Variants in CDH6 observed in about 807,000 individuals in gnomAD.
The protein encoded by CDH6 is cadherin-6.
CDH6 carries 31 observed loss-of-function variants against 78.0 expected under a neutral mutation model. The ratio of observed to expected loss-of-function variants is 0.40; its 90% CI spans 0.30 to 0.54. The LOEUF (loss-of-function observed/expected upper bound fraction) is 0.54. Among genes scored for constraint, CDH6 ranks in the 20% least tolerant of loss-of-function variants. The pLI, the probability that CDH6 is intolerant of heterozygous loss-of-function variation, is 0.56. For missense variants in CDH6, 724 were observed against 975.9 expected (o/e 0.74, Z 3.44); for synonymous variants, 376 against 368.8 (o/e 1.02, Z -0.23).
At chr5:31,292,476 T>C (rs1049107150) in intron 2 of CDH6, among the ~76,000 whole-genome samples, 1 of 152,180 alleles carries the variant, frequency 6.6e-6, no homozygotes, top group Non-Finnish European at 1.5e-5. Flanking sequence ...TATTTTCAAA[T>C]GTGTAATGCT....
chr5:31,197,530 A>G (rs1363512176), intron 1 of CDH6, among the ~76,000 whole-genome samples: 3 of 152,216 alleles, frequency 2.0e-5, no homozygotes, highest in Non-Finnish European at 4.4e-5. Context: ...CTTCACAAAA[A>G]AAGTGAAAAT....
At chr5:31,263,151 G>A (rs1742252897) in intron 1 of CDH6, among the ~76,000 whole-genome samples, 1 of 152,078 alleles carries the variant, frequency 6.6e-6, no homozygotes, top group Non-Finnish European at 1.5e-5. Context: ...CTAAGTGCAA[G>A]GTCGAGGTGC....
intron 1 of CDH6, among the ~76,000 whole-genome samples, chr5:31,244,309 G>A (rs1037450895): frequency 6.6e-6 from 1 of 152,156 alleles, no homozygotes; most frequent in African/African-American, 2.4e-5. Flanking sequence ...GAACATAAAA[G>A]GTGGTCATAG....
rs529722973 is a variant in CDH6 at position 31,262,839 on chromosome 5, T to G, written c.-128-4507T>G. 2.6e-5 allele frequency among the ~76,000 whole-genome samples: 4 copies of G among 152,300 alleles called. No individual in the cohort carries two copies. The East Asian group carries it at 5.8e-4, about 22-fold the overall frequency. On this transcript the variant is annotated intron_variant, in intron 1 of 11. Coordinates refer to ENST00000265071, the MANE Select transcript of CDH6 (RefSeq NM_004932.4). ...CATCTGATTGCCACTTACCACATGG[T>G]TCCCCTCTACTTTGCCTGCTCAGAA...
chr5:31,281,340 GTGTGTGTGGGGGGTGTGTT>G (rs1742858029), intron 2 of CDH6, among the ~76,000 whole-genome samples: 2 of 150,860 alleles, frequency 1.3e-5, no homozygotes, highest in Admixed American at 1.3e-4. Flanking sequence ...GGCTGGGGGA[GTGTGTGTGGGGGGTGTGTT>G]TGTGTGTGTG....
At chr5:31,231,239 G>A (rs151138073) in intron 1 of CDH6, among the ~76,000 whole-genome samples, 215 of 152,202 alleles carry the variant, frequency 1.4e-3, no homozygotes, top group African/African-American at 4.0e-3. Context: ...AAATCATTGC[G>A]TATCTCCATA....
chr5:31,249,673 C>A (rs1379334692), intron 1 of CDH6: 1 of 152,212 alleles, frequency 6.6e-6, no homozygotes, highest in Non-Finnish European at 1.5e-5. Context: ...TAAAATCCAA[C>A]CTCCACTGGC....
Position 31,310,813 on chromosome 5 carries a change from G to A in CDH6, c.1254-2505G>A, listed in dbSNP as rs149892261. On this transcript the variant is annotated intron_variant, in intron 7 of 11. Coordinates refer to ENST00000265071, the MANE Select transcript of CDH6 (RefSeq NM_004932.4). Reference sequence around the variant, plus strand: ...GTGGATCCACCAATAGCCACAGCTCGGGCTGGAGTGGCTGGAACACAGGAT... The same window carrying A: ...GTGGATCCACCAATAGCCACAGCTCAGGCTGGAGTGGCTGGAACACAGGAT... Among the ~76,000 whole-genome samples the A allele has an allele frequency of 9.9e-3, 1,504 of 152,292 alleles. 28 individuals carry two copies. Among genetic ancestry groups the A allele is most frequent in the African/African-American group, 0.035 (1,435 of 41,562 alleles).
At chr5:31,223,355 G>T (rs2111835653) in intron 1 of CDH6, among the ~76,000 whole-genome samples, 1 of 152,174 alleles carries the variant, frequency 6.6e-6, no homozygotes, top group East Asian at 1.9e-4. Context: ...TGAAGAATTT[G>T]TTGTCAAAAA....
rs558904062 is a variant in CDH6, at chr5:31,305,825, T to C, written c.1253+398T>C. Among the ~76,000 whole-genome samples, 5 of 152,366 alleles carry C rather than the reference T, an allele frequency of 3.3e-5. No homozygotes were observed. The South Asian group carries it at 1.0e-3, about 32-fold the overall frequency. ...AATAGTTATTATCTTGATGTTTTTA[T>C]TTGTAGTTTTTTTATTGTTTGCTTT... On this transcript the variant is annotated intron_variant, in intron 7 of 11. Transcript: ENST00000265071.
At chr5:31,277,677 G>T (rs1742738531) in intron 2 of CDH6, among the ~76,000 whole-genome samples, 1 of 152,044 alleles carries the variant, frequency 6.6e-6, no homozygotes, top group Non-Finnish European at 1.5e-5. Context: ...GCAAACTCTG[G>T]AATACTTACA....
At chr5:31,205,053 GA>G (rs1430027763) in intron 1 of CDH6, among the ~76,000 whole-genome samples, 1 of 152,166 alleles carries the variant, frequency 6.6e-6, no homozygotes, top group African/African-American at 2.4e-5. Context: ...GGTTGGGGGA[GA>G]AAGGAGAAAA....
intron 8 of CDH6, among the ~76,000 whole-genome samples, chr5:31,315,449 C>T (rs1024863095): frequency 2.0e-5 from 3 of 152,212 alleles, no homozygotes; most frequent in African/African-American, 7.2e-5. Context: ...AACTCCTGAT[C>T]CTTACACTAG....
intron 1 of CDH6, among the ~76,000 whole-genome samples, chr5:31,223,884 C>A (rs1354822504): frequency 6.6e-6 from 1 of 152,086 alleles, no homozygotes; most frequent in Non-Finnish European, 1.5e-5. Context: ...AAGAATACTG[C>A]CCTGCTGCAT....
chr5:31,320,978 T>TAA (rs3028833), intron 11 of CDH6, among the ~76,000 whole-genome samples: 16 of 140,158 alleles, frequency 1.1e-4, no homozygotes, highest in Admixed American at 4.2e-4. Flanking sequence ...GATTCTGTCT[T>TAA]AAAAAAAAAA....
intron 2 of CDH6, among the ~76,000 whole-genome samples, chr5:31,277,066 C>T (rs1742719672): frequency 6.6e-6 from 1 of 152,156 alleles, no homozygotes; most frequent in African/African-American, 2.4e-5. Context: ...GAAGATGCTG[C>T]CAAAGCAGTG....
intron 1 of CDH6, 61 bp downstream of exon 1, chr5:31,193,947 C>A (rs1192436575): frequency 1.3e-5 from 2 of 149,420 alleles, no homozygotes; most frequent in Non-Finnish European, 3.0e-5. Context: ...AATTCTGTAG[C>A]GTTGATAGAA....
chr5:31,298,163 C>A (rs1737663383), intron 4 of CDH6, among the ~76,000 whole-genome samples: 1 of 152,090 alleles, frequency 6.6e-6, no homozygotes, highest in South Asian at 2.1e-4. Context: ...AAAGTAGCAA[C>A]CTATCTTATA....
At chr5:31,311,291 G>T (rs756733423) in intron 7 of CDH6, among the ~76,000 whole-genome samples, 1 of 152,168 alleles carries the variant, frequency 6.6e-6, no homozygotes, top group African/African-American at 2.4e-5. Context: ...CTAGAGCAAA[G>T]CAAGAGTGAC....
Sources: allele counts gnomAD v4.1 joint callset (sites outside exome capture counted in the v4.1 genomes callset), GRCh38; gene constraint gnomAD v4.1.1; transcripts MANE v1.5; gene names NCBI Gene and HGNC (gene_info 2026-07-23, HGNC 2026-07-21).